The following GRIA4 variants were observed in gnomAD, a reference collection of about 807,000 sequenced individuals.
GRIA4 encodes glutamate receptor 4.
GRIA4 carries 34 observed loss-of-function variants against 104.0 expected under a neutral mutation model. That is an observed-to-expected ratio of 0.33 (90% confidence interval 0.25 to 0.44). GRIA4 has a LOEUF of 0.44. GRIA4 is among the 20% of genes least tolerant of loss of function. The probability of loss-of-function intolerance (pLI) is 1.00; values close to 1 mark genes in which losing one functional copy is unlikely to be tolerated. For missense variants in GRIA4, 750 were observed against 1,096.5 expected (o/e 0.68, Z 4.46); for synonymous variants, 386 against 381.9 (o/e 1.01, Z -0.13).
At chr11:105,886,939 G>T (rs1410799030) in intron 5 of GRIA4, among the ~76,000 whole-genome samples, 11 of 150,768 alleles carry the variant, frequency 7.3e-5, no homozygotes, top group Admixed American at 4.0e-4. Context: ...AGAGAGAAAA[G>T]CTTTTTGATT....
chr11:105,803,863 G>A (rs77075116), intron 4 of GRIA4, among the ~76,000 whole-genome samples: 4,682 of 128,408 alleles, frequency 0.036, 190 homozygotes, highest in African/African-American at 0.12. Flanking sequence ...AAAAAAAAAA[G>A]AGAGAGAGAG....
chr11:105,651,530 C>G (rs1310077958), intron 3 of GRIA4, among the ~76,000 whole-genome samples: 1 of 152,088 alleles, frequency 6.6e-6, no homozygotes, highest in Non-Finnish European at 1.5e-5. Context: ...TTGCAGATCA[C>G]TATTTGGGAT....
At chr11:105,937,764 A>G (rs1440294872) in intron 14 of GRIA4, among the ~76,000 whole-genome samples, 1 of 152,030 alleles carries the variant, frequency 6.6e-6, no homozygotes, top group African/African-American at 2.4e-5. Flanking sequence ...TCTGTCACTG[A>G]AAAAAAATAA....
intron 4 of GRIA4, among the ~76,000 whole-genome samples, chr11:105,850,085 G>A (rs771925640): frequency 1.3e-5 from 2 of 152,038 alleles, no homozygotes; most frequent in Non-Finnish European, 2.9e-5. Context: ...CTACCAAAAT[G>A]TCGGTGGCAC....
At chr11:105,886,180 CTTAT>C (rs139622131) in intron 5 of GRIA4, among the ~76,000 whole-genome samples, 9 of 151,508 alleles carry the variant, frequency 5.9e-5, no homozygotes, top group African/African-American at 1.2e-4. Context: ...ATGTTCTGAT[CTTAT>C]TTATTTATTT....
At chr11:105,748,682 C>G in intron 3 of GRIA4, among the ~76,000 whole-genome samples, 1 of 152,074 alleles carries the variant, frequency 6.6e-6, no homozygotes, top group Non-Finnish European at 1.5e-5. Flanking sequence ...CGCGCCCCGC[C>G]CCTAGAATCA....
chr11:105,898,412 T>G lies in GRIA4; in HGVS notation c.870T>G (p.Ser290=), dbSNP rs995906376. The part of the protein sequence containing the change: ...KKLDQREYPG[S]ETPPKYTSAL... ...TAGATCAGAGAGAGTATCCAGGATC[T>G]GAGACTCCTCCAAAGGTATTTGTTT... Residue 290 remains serine, a synonymous_variant, in exon 7 of 17, where the codon TCT becomes TCG. Coordinates refer to ENST00000282499, the MANE Select transcript of GRIA4 (RefSeq NM_000829.4). 6.3e-7 allele frequency: 1 copy of G among 1,578,006 alleles called. No individual in the cohort carries two copies. The highest frequency in any genetic ancestry group is 1.7e-5 in the Admixed American group (1 of 59,494).
chr11:105,672,970 G>A (rs1952421985), intron 3 of GRIA4, among the ~76,000 whole-genome samples: 1 of 151,692 alleles, frequency 6.6e-6, no homozygotes, highest in Non-Finnish European at 1.5e-5. Context: ...TAGCCAAATT[G>A]AACTTTCGGA....
At chr11:105,722,441 G>A (rs976846457) in intron 3 of GRIA4, among the ~76,000 whole-genome samples, 1 of 152,032 alleles carries the variant, frequency 6.6e-6, no homozygotes, top group African/African-American at 2.4e-5. Context: ...TCGGTTTGTG[G>A]AGACATAACC....
At position 105,649,968 on chromosome 11, in the gene GRIA4, A is replaced by G. The variant is rs117104412; in HGVS notation, c.247+37534A>G. 7.7e-3 allele frequency among the ~76,000 whole-genome samples: 1,166 copies of G among 152,254 alleles called. 10 individuals carry two copies. The highest frequency in any genetic ancestry group is 0.012 in the Non-Finnish European group (807 of 67,996). On this transcript the variant is annotated intron_variant, in intron 3 of 16. Coordinates refer to ENST00000282499, the MANE Select transcript of GRIA4 (RefSeq NM_000829.4). ...TGATGCTTACAATTTTGAATTATCT[A>G]AGAAAATAGCTTTGAGAGAATATGT...
At chr11:105,745,321 T>C (rs1443210609) in intron 3 of GRIA4, among the ~76,000 whole-genome samples, 1 of 152,214 alleles carries the variant, frequency 6.6e-6, no homozygotes, top group Non-Finnish European at 1.5e-5. Flanking sequence ...CCCTTCTTGG[T>C]AGCAACAAGG....
At chr11:105,899,654 A>G (rs769439541) in intron 7 of GRIA4, among the ~76,000 whole-genome samples, 2 of 152,250 alleles carry the variant, frequency 1.3e-5, no homozygotes, top group Non-Finnish European at 2.9e-5. Context: ...ATACTGAATA[A>G]GTAAATATAG....
At chr11:105,817,679 G>T (rs187689734) in intron 4 of GRIA4, among the ~76,000 whole-genome samples, 3 of 152,046 alleles carry the variant, frequency 2.0e-5, no homozygotes, top group Non-Finnish European at 4.4e-5. Context: ...GTAGATTCTT[G>T]TAAGATTTAT....
chr11:105,703,409 G>T (rs969883978), intron 3 of GRIA4, among the ~76,000 whole-genome samples: 1 of 152,106 alleles, frequency 6.6e-6, no homozygotes, highest in Non-Finnish European at 1.5e-5. Context: ...TGTTAAATAG[G>T]TTGGAGACAT....
chr11:105,731,443 T>C (rs1348366036), intron 3 of GRIA4, among the ~76,000 whole-genome samples: 4 of 152,138 alleles, frequency 2.6e-5, no homozygotes, highest in African/African-American at 9.7e-5. Flanking sequence ...GTAAATTAGT[T>C]CAACCATTGT....
Position 105,800,604 on chromosome 11 carries a change from GA to G in GRIA4, c.487+47385del, listed in dbSNP as rs1942679566. ...AATTGTTTCAGCATATTTAAATTCA[GA>G]CATGACTAATCAATTAAAATAATTG... On this transcript the variant is annotated intron_variant, in intron 4 of 16. Coordinates refer to ENST00000282499, the MANE Select transcript of GRIA4 (RefSeq NM_000829.4). Among the ~76,000 whole-genome samples the G allele has an allele frequency of 2.0e-5, 3 of 151,974 alleles. No homozygotes were observed. In the South Asian group the frequency reaches 6.2e-4, roughly 31 times the overall value.
At chr11:105,771,978 T>G (rs1329287207) in intron 4 of GRIA4, among the ~76,000 whole-genome samples, 1 of 152,050 alleles carries the variant, frequency 6.6e-6, no homozygotes, top group African/African-American at 2.4e-5. Flanking sequence ...GAGAGAAATG[T>G]AAATAAACTT....
intron 4 of GRIA4, among the ~76,000 whole-genome samples, chr11:105,815,928 C>T (rs2135886172): frequency 6.6e-6 from 1 of 152,178 alleles, no homozygotes; most frequent in East Asian, 1.9e-4. Context: ...TACACATTTC[C>T]AGGAATGAAT....
intron 5 of GRIA4, among the ~76,000 whole-genome samples, chr11:105,878,125 C>T (rs576697359): frequency 5.1e-4 from 78 of 152,238 alleles, no homozygotes; most frequent in African/African-American, 1.9e-3. Context: ...GATATTGATG[C>T]TATTCTTTTC....
Sources: allele counts gnomAD v4.1 joint callset (sites outside exome capture counted in the v4.1 genomes callset), GRCh38; gene constraint gnomAD v4.1.1; transcripts MANE v1.5; gene names NCBI Gene and HGNC (gene_info 2026-07-23, HGNC 2026-07-21).